Variants in TMTC2 observed in about 807,000 individuals in gnomAD.
TMTC2 encodes transmembrane O-mannosyltransferase targeting cadherins 2.
Under a neutral mutation model 82.4 loss-of-function variants are expected in TMTC2, and 43 were observed. That is an observed-to-expected ratio of 0.52 (90% CI 0.41 to 0.67). The LOEUF (loss-of-function observed/expected upper bound fraction) is 0.67. Ranked by LOEUF, TMTC2 falls within the 30% of genes least tolerant of loss-of-function variation. The pLI, the probability that TMTC2 is intolerant of heterozygous loss-of-function variation, is 0.00. For synonymous variants in TMTC2, 408 were observed against 381.9 expected (o/e 1.07, Z -0.80); for missense variants, 919 against 1,012.4 (o/e 0.91, Z 1.25).
chr12:83,082,370 G>GA (rs113044926), intron 11 of TMTC2, among the ~76,000 whole-genome samples: 6,685 of 152,192 alleles, frequency 0.044, 186 homozygotes, highest in East Asian at 0.12. Flanking sequence ...GTCCCTTAAG[G>GA]AAGGACCATG....
intron 1 of TMTC2, among the ~76,000 whole-genome samples, chr12:82,715,730 G>C (rs1474434950): frequency 6.6e-6 from 1 of 152,122 alleles, no homozygotes; most frequent in Non-Finnish European, 1.5e-5. Flanking sequence ...GTGGGGGATG[G>C]GATGGTAGGG....
At chr12:82,791,450 T>C (rs905127276) in intron 1 of TMTC2, among the ~76,000 whole-genome samples, 1 of 152,116 alleles carries the variant, frequency 6.6e-6, no homozygotes, top group African/African-American at 2.4e-5. Context: ...GAATCAGACC[T>C]ACTACTAACT....
chr12:82,843,615 C>CA (rs1193341936), intron 1 of TMTC2, among the ~76,000 whole-genome samples: 2 of 152,098 alleles, frequency 1.3e-5, no homozygotes, highest in African/African-American at 4.8e-5. Context: ...AAATAAGCTT[C>CA]TTGGCTATTC....
chr12:82,862,746 G>T (rs1013906252), intron 2 of TMTC2, among the ~76,000 whole-genome samples: 2 of 152,116 alleles, frequency 1.3e-5, no homozygotes, highest in African/African-American at 4.8e-5. Context: ...GTTGCCCATG[G>T]GCAATGAAGT....
chr12:82,870,094 C>G (rs1029164081), intron 2 of TMTC2, among the ~76,000 whole-genome samples: 2 of 152,136 alleles, frequency 1.3e-5, no homozygotes, highest in African/African-American at 4.8e-5. Flanking sequence ...GTACCTGTCA[C>G]TCAAATTCAT....
intron 8 of TMTC2, among the ~76,000 whole-genome samples, chr12:83,016,996 A>G (rs1880707498): frequency 1.3e-5 from 2 of 152,254 alleles, no homozygotes; most frequent in African/African-American, 4.8e-5. Flanking sequence ...AGGAAAAAGT[A>G]GAATTGCAGT....
At chr12:82,796,350 C>G (rs1442810102) in intron 1 of TMTC2, among the ~76,000 whole-genome samples, 3 of 152,062 alleles carry the variant, frequency 2.0e-5, no homozygotes, top group African/African-American at 7.2e-5. Flanking sequence ...TAGACTGATA[C>G]CCCAGCTGAA....
At chr12:83,103,388 TC>T (rs1276260516) in intron 11 of TMTC2, among the ~76,000 whole-genome samples, 2 of 152,116 alleles carry the variant, frequency 1.3e-5, no homozygotes, top group Non-Finnish European at 2.9e-5. Flanking sequence ...GGCTCATAGT[TC>T]TATAGGCTGT....
intron 11 of TMTC2, among the ~76,000 whole-genome samples, chr12:83,078,426 T>C (rs574355372): frequency 6.6e-6 from 1 of 152,302 alleles, no homozygotes; most frequent in South Asian, 2.1e-4. Context: ...TGATTAAATA[T>C]ATTGCCATAA....
intron 1 of TMTC2, among the ~76,000 whole-genome samples, chr12:82,740,566 A>T (rs1203512750): frequency 6.6e-6 from 1 of 152,086 alleles, no homozygotes; most frequent in Non-Finnish European, 1.5e-5. Flanking sequence ...GAGCTGACTC[A>T]TTTTCTTATG....
At chr12:82,889,444 A>G (rs952154360) in intron 2 of TMTC2, among the ~76,000 whole-genome samples, 5 of 152,084 alleles carry the variant, frequency 3.3e-5, no homozygotes, top group African/African-American at 1.2e-4. Flanking sequence ...AATAAAGGGG[A>G]GCCACACACA....
rs1215181797 is a variant in TMTC2 at position 82,845,789 on chromosome 12, T to C, written c.84-11221T>C. 2.0e-5 allele frequency among the ~76,000 whole-genome samples: 3 copies of C among 152,278 alleles called. No homozygotes were observed. In the East Asian group the frequency reaches 5.8e-4, roughly 29 times the overall value. ...TGCTTAGAGTGTGGTATTTCTCATATTTTCATGTTGTATTAGTTTTTGCTT... is the reference window on the plus strand; with the variant it reads ...TGCTTAGAGTGTGGTATTTCTCATACTTTCATGTTGTATTAGTTTTTGCTT... On this transcript the variant is annotated intron_variant, in intron 1 of 11. Transcript: ENST00000321196.
intron 9 of TMTC2, among the ~76,000 whole-genome samples, chr12:83,040,745 G>A (rs150585498): frequency 9.7e-4 from 146 of 150,766 alleles, no homozygotes; most frequent in African/African-American, 3.3e-3. Flanking sequence ...AAGCGCAGTG[G>A]CACTATCTCT....
chr12:82,827,797 A>G (rs1869505014), intron 1 of TMTC2, among the ~76,000 whole-genome samples: 1 of 151,772 alleles, frequency 6.6e-6, no homozygotes, highest in Non-Finnish European at 1.5e-5. Context: ...TCTCAGGCTC[A>G]AGTGATCCTC....
rs1411828232 is a variant in TMTC2, at chr12:82,947,887, C to T, written c.1599-17137C>T. 2.6e-5 allele frequency among the ~76,000 whole-genome samples: 4 copies of T among 152,204 alleles called. No individual in the cohort carries two copies. The Middle Eastern group carries it at 0.01, about 388-fold the overall frequency. ...CCCCAGACCTCCATCATTCTGTCAA[C>T]GTCTCTCAGCCCTTTTTCTCCATTC... On this transcript the variant is annotated intron_variant, in intron 4 of 11. Coordinates refer to ENST00000321196, the MANE Select transcript of TMTC2 (RefSeq NM_152588.3).
At chr12:82,904,937 T>G (rs1874209948) in intron 3 of TMTC2, among the ~76,000 whole-genome samples, 1 of 152,070 alleles carries the variant, frequency 6.6e-6, no homozygotes, top group Admixed American at 6.6e-5. Flanking sequence ...CTTCTATGAT[T>G]TTTGCTTCCT....
intron 8 of TMTC2, among the ~76,000 whole-genome samples, chr12:82,998,139 T>C (rs1879746609): frequency 6.6e-6 from 1 of 152,192 alleles, no homozygotes; most frequent in South Asian, 2.1e-4. Context: ...TACTCAGTAA[T>C]TTATTACTGT....
intron 4 of TMTC2, among the ~76,000 whole-genome samples, chr12:82,932,209 C>A (rs1244866961): frequency 1.3e-5 from 2 of 152,048 alleles, no homozygotes; most frequent in East Asian, 3.9e-4. Context: ...ACAGGATGAG[C>A]TCAGTTTAAT....
At chr12:83,020,695 G>A (rs924518478) in intron 8 of TMTC2, among the ~76,000 whole-genome samples, 4 of 152,092 alleles carry the variant, frequency 2.6e-5, no homozygotes, top group African/African-American at 9.7e-5. Context: ...AATTTTCTCA[G>A]GTGGAGTTTA....
Sources: allele counts gnomAD v4.1 joint callset (sites outside exome capture counted in the v4.1 genomes callset), GRCh38; gene constraint gnomAD v4.1.1; transcripts MANE v1.5; gene names NCBI Gene and HGNC (gene_info 2026-07-23, HGNC 2026-07-21).